POU2F2: variants seen among roughly 807,000 people sequenced by gnomAD.
POU2F2 encodes the protein POU class 2 homeobox 2.
Under a neutral mutation model 63.5 loss-of-function variants are expected in POU2F2, and 14 were observed. That is an observed-to-expected ratio of 0.22 (90% confidence interval 0.15 to 0.34). The LOEUF (loss-of-function observed/expected upper bound fraction) is 0.34, where lower values mean the gene tolerates loss of function less well. Ranked by LOEUF, POU2F2 falls within the 10% of genes least tolerant of loss-of-function variation. The pLI, the probability that POU2F2 is intolerant of heterozygous loss-of-function variation, is 1.00. For missense variants in POU2F2, 607 were observed against 815.2 expected (o/e 0.74, Z 3.11); for synonymous variants, 306 against 348.6 (o/e 0.88, Z 1.36).
chr19:42,181,731 C>T lies in POU2F2; in HGVS notation c.-70+14652G>A, dbSNP rs111817809. ...CCTCCCGAGTAGCTGGGATTACAGG[C>T]GCATGCCACCATGCCCAGCTAATTT... On this transcript the variant is annotated intron_variant, in intron 1 of 5. Coordinates refer to the POU2F2 transcript ENST00000532176. Among the ~76,000 whole-genome samples the T allele has an allele frequency of 2.5e-3, 377 of 152,154 alleles. 5 individuals carry two copies. The highest frequency in any genetic ancestry group is 8.5e-3 in the African/African-American group (353 of 41,522).
intron 1 of POU2F2, among the ~76,000 whole-genome samples, chr19:42,164,751 CA>C (rs1458114043): frequency 6.6e-6 from 1 of 151,850 alleles, no homozygotes; most frequent in Non-Finnish European, 1.5e-5. Context: ...CCCTTGAGCC[CA>C]GGAGTACAAG....
At chr19:42,120,240 G>A (rs1306685342) in intron 4 of POU2F2, among the ~76,000 whole-genome samples, 1 of 135,354 alleles carries the variant, frequency 7.4e-6, no homozygotes. Flanking sequence ...TTTTTGAGCT[G>A]GAGTCTTTCT....
intron 1 of POU2F2, among the ~76,000 whole-genome samples, chr19:42,187,341 T>C (rs1329393164): frequency 3.3e-5 from 5 of 151,082 alleles, no homozygotes; most frequent in Admixed American, 6.6e-5. Context: ...GGAGGGTGCC[T>C]GTAATCCCAG....
Position 42,154,083 on chromosome 19 carries a change from C to A in POU2F2, c.-9+6249G>T, listed in dbSNP as rs2034410467. On this transcript the variant is annotated intron_variant, in intron 2 of 6. Transcript: ENST00000524801. ...GCGACCTCCGTCCCTCCCAACCCCC[C>A]CAGCGCCACCCGCTCCCCCCGCCCT... Among the ~76,000 whole-genome samples the A allele has an allele frequency of 2.0e-5, 3 of 151,890 alleles. No homozygotes were observed. In the South Asian group the frequency reaches 6.2e-4, roughly 32 times the overall value.
intron 1 of POU2F2, among the ~76,000 whole-genome samples, chr19:42,190,406 G>C (rs2035063113): frequency 6.6e-6 from 1 of 152,114 alleles, no homozygotes; most frequent in African/African-American, 2.4e-5. Flanking sequence ...TAGGGTTGTA[G>C]GGATGCTCAA....
In POU2F2 at chr19:42,152,537, C is replaced by CCT. The variant is rs575682027; in HGVS notation, c.-9+7793_-9+7794dup. On this transcript the variant is annotated intron_variant, in intron 2 of 6. Coordinates refer to the POU2F2 transcript ENST00000524801. This position sits in a 1 kb window ranked among gnomAD's most constrained non-coding sequence, Gnocchi z 4.1. The stretch of plus-strand genomic sequence containing the variant: ...CCGGCTGGCTGGCTGCCTGCCTCTG[C>CCT]CTCTCTCTCTCTCCCTTGCTTGCCT... The CCT allele has an allele frequency of 2.6e-5, 4 of 152,236 alleles. No individual in the cohort carries two copies. Among genetic ancestry groups the CCT allele is most frequent in the Non-Finnish European group, 5.9e-5 (4 of 68,360 alleles). 9.4% of individuals were successfully genotyped at this position (152,236 alleles called of 1,614,324 possible).
At chr19:42,164,164 C>A (rs1021168593) in intron 1 of POU2F2, among the ~76,000 whole-genome samples, 1 of 151,946 alleles carries the variant, frequency 6.6e-6, no homozygotes, top group South Asian at 2.1e-4. Flanking sequence ...TGTGGTGGTG[C>A]GCCTGTAATC....
intron 2 of POU2F2, among the ~76,000 whole-genome samples, chr19:42,140,404 G>A (rs1303175579): frequency 6.6e-6 from 1 of 152,202 alleles, no homozygotes; most frequent in African/African-American, 2.4e-5. Flanking sequence ...CTGCCCCCAG[G>A]ACAAACCCAG....
Position 42,119,037 on chromosome 19 carries a change from G to A in POU2F2, c.187-1605C>T, listed in dbSNP as rs117179882. ...AGTGTGGTGGTTCATGCCTGTAATC[G>A]CAGCATTTTGGGAGGCTGAGGCAGG... is the stretch of plus-strand genomic sequence containing the variant. On this transcript the variant is annotated intron_variant, in intron 4 of 14. Transcript: ENST00000692977. Among the ~76,000 whole-genome samples, 1,029 of 151,982 alleles carry A rather than the reference G, an allele frequency of 6.8e-3. 9 individuals are homozygous for A. The highest frequency in any genetic ancestry group is 0.011 in the Non-Finnish European group (751 of 67,966).
At chr19:42,174,205 G>A (rs934928792) in intron 1 of POU2F2, among the ~76,000 whole-genome samples, 3 of 152,118 alleles carry the variant, frequency 2.0e-5, no homozygotes, top group Non-Finnish European at 2.9e-5. Flanking sequence ...CCCAGGACAC[G>A]CAGAGACCCC....
At chr19:42,102,954 T>G (rs1291448470) in intron 5 of POU2F2, among the ~76,000 whole-genome samples, 1 of 152,008 alleles carries the variant, frequency 6.6e-6, no homozygotes, top group East Asian at 1.9e-4. Flanking sequence ...TACTGAGGCC[T>G]GTGTTCATCT....
intron 6 of POU2F2, 40 bp from the exon 7 acceptor site, chr19:42,099,658 G>T: frequency 6.2e-7 from 1 of 1,603,188 alleles, no homozygotes; most frequent in South Asian, 1.1e-5. Flanking sequence ...GAGGGGGAGG[G>T]GAAGGTGAGG....
intron 5 of POU2F2, among the ~76,000 whole-genome samples, chr19:42,112,691 C>T (rs1425099217): frequency 1.3e-5 from 2 of 152,118 alleles, no homozygotes; most frequent in Admixed American, 6.6e-5. Context: ...TTTTATCTCC[C>T]TGGGCAGGAT....
intron 5 of POU2F2, among the ~76,000 whole-genome samples, chr19:42,108,961 T>C (rs1213897189): frequency 1.3e-5 from 2 of 152,218 alleles, no homozygotes; most frequent in African/African-American, 4.8e-5. Flanking sequence ...AGGAGCCTCA[T>C]AGGTGATCAA....
chr19:42,118,252 G>GT (rs1414610713), intron 4 of POU2F2, among the ~76,000 whole-genome samples: 1 of 152,180 alleles, frequency 6.6e-6, no homozygotes, highest in African/African-American at 2.4e-5. Context: ...GTCCAATGAA[G>GT]TAAGACTTTG....
At chr19:42,164,246 T>C (rs2034606003) in intron 1 of POU2F2, among the ~76,000 whole-genome samples, 3 of 142,104 alleles carry the variant, frequency 2.1e-5, no homozygotes. Flanking sequence ...GAGCTGAGAT[T>C]GCGCCACTGC....
chr19:42,112,996 C>G (rs1019428022), intron 5 of POU2F2, among the ~76,000 whole-genome samples: 1 of 152,148 alleles, frequency 6.6e-6, no homozygotes, highest in Non-Finnish European at 1.5e-5. Context: ...AGTTCAGATC[C>G]CACCTCCTCC....
At chr19:42,171,758 G>A (rs1255846384) in intron 1 of POU2F2, among the ~76,000 whole-genome samples, 1 of 152,056 alleles carries the variant, frequency 6.6e-6, no homozygotes, top group East Asian at 1.9e-4. Flanking sequence ...TTGCGTGTGT[G>A]GGCCACAGCC....
intron 2 of POU2F2, among the ~76,000 whole-genome samples, chr19:42,142,317 A>G (rs2034144343): frequency 6.6e-6 from 1 of 151,970 alleles, no homozygotes; most frequent in Non-Finnish European, 1.5e-5. Context: ...CAGCCTCCCG[A>G]GTAGCTGGGA....
Sources: allele counts gnomAD v4.1 joint callset (sites outside exome capture counted in the v4.1 genomes callset), GRCh38; gene constraint gnomAD v4.1.1; non-coding constraint Gnocchi (gnomAD v3.1); transcripts MANE v1.5; gene names NCBI Gene and HGNC (gene_info 2026-07-23, HGNC 2026-07-21).